Variants in RP1 observed in about 807,000 individuals in gnomAD.
RP1 encodes the protein oxygen-regulated protein 1.
In RP1, 16 loss-of-function variants were observed where a neutral mutation model predicts 14.8. The observed-to-expected ratio is 1.08, with a 90% CI of 0.73 to 1.65. RP1 has a LOEUF of 1.65. RP1 is among the 40% of genes most tolerant of loss of function. RP1 has a pLI of 0.00. For missense variants in RP1, 2,631 were observed against 2,535.0 expected (o/e 1.04, Z -0.81); for synonymous variants, 876 against 883.6 (o/e 0.99, Z 0.15).
At chr8:54,724,802 G>A (rs1808616123) in intron 16 of RP1, among the ~76,000 whole-genome samples, 1 of 152,150 alleles carries the variant, frequency 6.6e-6, no homozygotes, top group Non-Finnish European at 1.5e-5. Flanking sequence ...ATACTACTGT[G>A]TTGTATAAAG....
Position 54,630,436 on chromosome 8 carries a change from C to T in RP1, c.*83C>T, listed in dbSNP as rs571677242. 3.2e-6 allele frequency: 5 copies of T among 1,564,182 alleles called. No homozygotes were observed. In the South Asian group the frequency reaches 6.0e-5, roughly 19 times the overall value. Reference sequence around the variant, plus strand: ...CATGTGACGAATACGGACTAGATAACCTCTAAGAATTTTCCACTTCTTCAA... The same window carrying T: ...CATGTGACGAATACGGACTAGATAATCTCTAAGAATTTTCCACTTCTTCAA... On this transcript the variant is annotated 3_prime_UTR_variant, in exon 4 of 4. Transcript: ENST00000220676.
At chr8:54,844,431 C>T (rs1368956881) in intron 25 of RP1, among the ~76,000 whole-genome samples, 4 of 152,182 alleles carry the variant, frequency 2.6e-5, no homozygotes, top group African/African-American at 9.6e-5. Context: ...ATGGATTTCA[C>T]TGGGGTGTAA....
At chr8:54,760,399 C>CT (rs376882144) in intron 22 of RP1, among the ~76,000 whole-genome samples, 42 of 152,278 alleles carry the variant, frequency 2.8e-4, no homozygotes, top group African/African-American at 9.9e-4. Flanking sequence ...ATCATTCTGA[C>CT]TTTATCTTTT....
At chr8:54,813,565 A>C (rs1166332704) in intron 24 of RP1, among the ~76,000 whole-genome samples, 1 of 152,226 alleles carries the variant, frequency 6.6e-6, no homozygotes. Flanking sequence ...AAAATTAATT[A>C]GTTTTAACAT....
At chr8:54,779,784 T>C (rs941826255) in intron 23 of RP1, among the ~76,000 whole-genome samples, 4 of 152,292 alleles carry the variant, frequency 2.6e-5, no homozygotes, top group Admixed American at 1.3e-4. Context: ...GGTGACTCAG[T>C]CAAATCCCCT....
chr8:54,695,213 A>G (rs1239482566), intron 12 of RP1, among the ~76,000 whole-genome samples: 1 of 151,988 alleles, frequency 6.6e-6, no homozygotes, highest in East Asian at 1.9e-4. Context: ...GTTCTTTTGC[A>G]TTTGCTGAGG....
intron 28 of RP1, among the ~76,000 whole-genome samples, chr8:54,866,642 A>G (rs1463203089): frequency 6.6e-6 from 1 of 152,200 alleles, no homozygotes; most frequent in East Asian, 1.9e-4. Flanking sequence ...GATCCATTTG[A>G]TCAGTCATTA....
At chr8:54,563,247 G>A (rs1804325802) in intron 1 of RP1, among the ~76,000 whole-genome samples, 1 of 152,198 alleles carries the variant, frequency 6.6e-6, no homozygotes, top group South Asian at 2.1e-4. Flanking sequence ...CAGGCTGAGA[G>A]GGAGGAGGGC....
chr8:54,584,903 T>G lies in RP1; in HGVS notation c.-13+25583T>G, dbSNP rs190901201. 3.9e-3 allele frequency among the ~76,000 whole-genome samples: 596 copies of G among 152,298 alleles called. 2 individuals carry two copies. Among genetic ancestry groups the G allele is most frequent in the African/African-American group, 0.013 (523 of 41,564 alleles). ...TTGAGCCTATGTGTGTCTCTGCACG[T>G]GAGATGGGTTTCCTGAATACAGCAA... On this transcript the variant is annotated intron_variant, in intron 1 of 22. Coordinates refer to the RP1 transcript ENST00000636932.
chr8:54,825,992 C>T (rs1225883850), intron 24 of RP1, among the ~76,000 whole-genome samples: 2 of 152,006 alleles, frequency 1.3e-5, no homozygotes, highest in African/African-American at 4.8e-5. Context: ...CACTTGAGCC[C>T]AGAAATTGGA....
chr8:54,843,405 T>C (rs1811835987), intron 25 of RP1, among the ~76,000 whole-genome samples: 1 of 151,938 alleles, frequency 6.6e-6, no homozygotes, highest in Non-Finnish European at 1.5e-5. Flanking sequence ...TTTTCAACAA[T>C]CAGATATGTA....
At chr8:54,619,056 A>G (rs1805795282) in intron 1 of RP1, among the ~76,000 whole-genome samples, 1 of 152,192 alleles carries the variant, frequency 6.6e-6, no homozygotes, top group Admixed American at 6.5e-5. Context: ...ACCACAGTTG[A>G]CCAGATGAGG....
Position 54,577,628 on chromosome 8 carries a change from T to G in RP1, c.-13+18308T>G, listed in dbSNP as rs577775733. Among the ~76,000 whole-genome samples, 295 of 152,336 alleles carry G rather than the reference T, an allele frequency of 1.9e-3. 2 individuals carry two copies. The highest frequency in any genetic ancestry group is 6.4e-3 in the African/African-American group (266 of 41,576). On this transcript the variant is annotated intron_variant, in intron 1 of 22. Transcript: ENST00000636932. The stretch of plus-strand genomic sequence containing the variant: ...TTATGAATAATAATGATAGCTAACA[T>G]GATTTCTTACTAGATACTATGCTAC...
intron 19 of RP1, among the ~76,000 whole-genome samples, chr8:54,748,861 GA>G (rs1283766321): frequency 6.6e-6 from 1 of 151,848 alleles, no homozygotes; most frequent in Non-Finnish European, 1.5e-5. Context: ...TTGTTTTATA[GA>G]ACAAAGGTTT....
intron 22 of RP1, among the ~76,000 whole-genome samples, chr8:54,768,553 G>A (rs377087112): frequency 2.8e-4 from 42 of 152,314 alleles, no homozygotes; most frequent in African/African-American, 9.9e-4. Flanking sequence ...GTGTAAGTGT[G>A]TGGGATAGCA....
chr8:54,576,866 C>T (rs1804675652), intron 1 of RP1, among the ~76,000 whole-genome samples: 1 of 152,176 alleles, frequency 6.6e-6, no homozygotes. Flanking sequence ...ACGGTGCTTT[C>T]TGTTGCCCCA....
At chr8:54,762,623 A>T (rs1304216564) in intron 22 of RP1, among the ~76,000 whole-genome samples, 1 of 152,246 alleles carries the variant, frequency 6.6e-6, no homozygotes, top group East Asian at 1.9e-4. Context: ...GAATTAATGC[A>T]AATATTTTCA....
Position 54,786,877 on chromosome 8 carries a change from G to T in RP1, c.3615+3167G>T, listed in dbSNP as rs948934903. Among the ~76,000 whole-genome samples the T allele has an allele frequency of 4.6e-5, 7 of 152,250 alleles. No homozygotes were observed. The East Asian group carries it at 1.4e-3, about 29-fold the overall frequency. ...ATTTGGATTTGAGGCTATGTCATGTGACCAAATCCTTGGAATAGAAGAGCC... is the reference window on the plus strand; with the variant it reads ...ATTTGGATTTGAGGCTATGTCATGTTACCAAATCCTTGGAATAGAAGAGCC... On this transcript the variant is annotated intron_variant, in intron 24 of 28. Coordinates refer to the RP1 transcript ENST00000637698.
chr8:54,585,662 A>G (rs763774992), intron 1 of RP1, among the ~76,000 whole-genome samples: 1 of 152,168 alleles, frequency 6.6e-6, no homozygotes, highest in African/African-American at 2.4e-5. Flanking sequence ...GTCTTTTCAC[A>G]TAGTCCTATA....
Sources: allele counts gnomAD v4.1 joint callset (sites outside exome capture counted in the v4.1 genomes callset), GRCh38; gene constraint gnomAD v4.1.1; transcripts MANE v1.5; gene names NCBI Gene and HGNC (gene_info 2026-07-23, HGNC 2026-07-21).